BATF: variants seen among roughly 807,000 people sequenced by gnomAD.
BATF encodes basic leucine zipper transcriptional factor ATF-like.
In BATF, 5 loss-of-function variants were observed where a neutral mutation model predicts 13.7. The observed-to-expected ratio is 0.36, with a 90% CI of 0.19 to 0.77. The LOEUF is 0.77. Among genes scored for constraint, BATF ranks in the 30% least tolerant of loss-of-function variants. The pLI, the probability that BATF is intolerant of heterozygous loss-of-function variation, is 0.51. For missense variants in BATF, 124 were observed against 163.0 expected, an observed-to-expected ratio of 0.76 and a Z score of 1.30; for synonymous variants, 72 against 67.5, an observed-to-expected ratio of 1.07 and a Z score of -0.33.
intron 2 of BATF, among the ~76,000 whole-genome samples, chr14:75,540,723 A>C (rs1887883795): frequency 6.6e-6 from 1 of 152,156 alleles, no homozygotes; most frequent in Non-Finnish European, 1.5e-5. Flanking sequence ...AGTTTGTTGA[A>C]AATATCAAAT....
At chr14:75,528,783 A>C (rs1384192240) in intron 2 of BATF, among the ~76,000 whole-genome samples, 1 of 152,240 alleles carries the variant, frequency 6.6e-6, no homozygotes, top group Non-Finnish European at 1.5e-5. Flanking sequence ...AATTATTTGA[A>C]ATAATAAGAG....
intron 2 of BATF, among the ~76,000 whole-genome samples, chr14:75,540,733 T>C (rs911147048): frequency 3.9e-5 from 6 of 151,970 alleles, no homozygotes; most frequent in Non-Finnish European, 5.9e-5. Context: ...AAATATCAAA[T>C]GTAATGATAA....
At chr14:75,532,701 A>G (rs1654214471) in intron 2 of BATF, among the ~76,000 whole-genome samples, 1 of 152,098 alleles carries the variant, frequency 6.6e-6, no homozygotes. Context: ...ATATTATGAT[A>G]CATTCATACA....
chr14:75,539,584 G>A (rs1887867096), intron 2 of BATF, among the ~76,000 whole-genome samples: 1 of 152,006 alleles, frequency 6.6e-6, no homozygotes, highest in Admixed American at 6.6e-5. Context: ...CCAAGGACCA[G>A]GCGATAGCCT....
intron 2 of BATF, among the ~76,000 whole-genome samples, chr14:75,538,450 G>T (rs1887847667): frequency 6.6e-6 from 1 of 152,218 alleles, no homozygotes; most frequent in South Asian, 2.1e-4. Flanking sequence ...CCAGGGTTGA[G>T]AATCAGAAGC....
intron 2 of BATF, among the ~76,000 whole-genome samples, chr14:75,545,203 A>G (rs1887963271): frequency 6.6e-6 from 1 of 151,800 alleles, no homozygotes; most frequent in African/African-American, 2.4e-5. Context: ...ACCATTTAGT[A>G]TTTATTTATT....
At chr14:75,546,342 C>A in intron 2 of BATF, 120 bp from the exon 3 acceptor site, 1 of 958,778 alleles carries the variant, frequency 1.0e-6, no homozygotes, top group Non-Finnish European at 1.6e-6. Context: ...TTCTCTGGTG[C>A]CCTTCTCCAT....
At chr14:75,546,329 A>T in intron 2 of BATF, 133 bp from the exon 3 acceptor site, 1 of 870,454 alleles carries the variant, frequency 1.1e-6, no homozygotes, top group Non-Finnish European at 1.8e-6. Context: ...ACGTGCAGGA[A>T]AATTCTCTGG....
intron 1 of BATF, 135 bp downstream of exon 1, chr14:75,522,880 G>A (rs573545581): frequency 4.4e-4 from 462 of 1,039,528 alleles, no homozygotes; most frequent in Non-Finnish European, 5.8e-4. Context: ...GTTAGACTTA[G>A]GACATGGAAT....
At position 75,537,595 on chromosome 14, in the gene BATF, T is replaced by A. The variant is rs562130180; in HGVS notation, c.169-8867T>A. On this transcript the variant is annotated intron_variant, in intron 2 of 2. Transcript: ENST00000286639. ...TAAGGAAACGAAACGGTTAAAGTTA[T>A]AATTAATGAAACACGAATAGATCCC... 2.0e-5 allele frequency among the ~76,000 whole-genome samples: 3 copies of A among 152,340 alleles called. No individual in the cohort carries two copies. In the East Asian group the frequency reaches 5.8e-4, roughly 29 times the overall value.
chr14:75,544,570 A>G (rs1336077105), intron 2 of BATF, among the ~76,000 whole-genome samples: 2 of 148,986 alleles, frequency 1.3e-5, no homozygotes, highest in South Asian at 4.2e-4. Flanking sequence ...CTCAAAAAAA[A>G]AAAAAAAAAA....
chr14:75,538,778 G>A (rs1179669634), intron 2 of BATF, among the ~76,000 whole-genome samples: 1 of 152,182 alleles, frequency 6.6e-6, no homozygotes, highest in Non-Finnish European at 1.5e-5. Flanking sequence ...GCGGGTGCCC[G>A]TAGTCCCAGC....
At chr14:75,532,962 T>G (rs572734560) in intron 2 of BATF, among the ~76,000 whole-genome samples, 10 of 152,362 alleles carry the variant, frequency 6.6e-5, no homozygotes. Flanking sequence ...TTATTCTTGG[T>G]ACTTTTCTCT....
intron 2 of BATF, among the ~76,000 whole-genome samples, chr14:75,545,226 T>C (rs998139728): frequency 2.0e-5 from 3 of 151,940 alleles, no homozygotes; most frequent in Non-Finnish European, 2.9e-5. Context: ...ATTTTTATTT[T>C]TATTTTTATT....
intron 2 of BATF, among the ~76,000 whole-genome samples, chr14:75,541,152 T>C (rs1887890471): frequency 6.6e-6 from 1 of 152,216 alleles, no homozygotes; most frequent in Non-Finnish European, 1.5e-5. Context: ...AAAAAAATTT[T>C]GGTTTCTATC....
chr14:75,525,768 C>T (rs1282863227), intron 2 of BATF, among the ~76,000 whole-genome samples: 2 of 151,590 alleles, frequency 1.3e-5, no homozygotes, highest in Non-Finnish European at 2.9e-5. Flanking sequence ...TGGGAGAAGG[C>T]AGAGCTGTAT....
Position 75,546,474 on chromosome 14 carries a change from C to A in BATF, c.181C>A (p.Leu61Met). 1 of 1,614,172 alleles carries A rather than the reference C, an allele frequency of 6.2e-7. No individual in the cohort carries two copies. Among genetic ancestry groups the A allele is most frequent in the Non-Finnish European group, 8.5e-7 (1 of 1,180,024 alleles). The part of the protein sequence containing the change: ...ADTLHLESED[L>M]EKQNAALRKE... ...CCCACCCCTACAGGAGAGCGAAGAC[C>A]TGGAGAAACAGAACGCGGCTCTACG... Residue 61 changes from leucine to methionine, a missense_variant, in exon 3 of 3, where the codon CTG (leucine) becomes ATG (methionine). Around this residue, in one of 2 missense-constraint regions of BATF, gnomAD observed 65 missense variants for 113.3 expected, o/e 0.57. Transcript: ENST00000286639.
chr14:75,533,250 AACCCTGTCTCT>A (rs1296277141), intron 2 of BATF, among the ~76,000 whole-genome samples: 1 of 152,030 alleles, frequency 6.6e-6, no homozygotes, highest in African/African-American at 2.4e-5. Context: ...AACACAGTGA[AACCCTGTCTCT>A]ACTAAAAATG....
At chr14:75,542,587 G>C (rs1290775533) in intron 2 of BATF, among the ~76,000 whole-genome samples, 1 of 152,230 alleles carries the variant, frequency 6.6e-6, no homozygotes, top group Non-Finnish European at 1.5e-5. Context: ...AGAGGGGACT[G>C]GGCAATAGCA....
Sources: gnomAD v4.1 joint callset for allele counts (sites outside exome capture counted in the v4.1 genomes callset) on GRCh38, gnomAD v4.1.1 for gene constraint, gnomAD v4.1.1 regional missense constraint, MANE v1.5 for transcripts, NCBI Gene and HGNC (gene_info 2026-07-23, HGNC 2026-07-21) for gene names.